The following UGT2A3 variants were observed in gnomAD, a reference collection of about 807,000 sequenced individuals.
The protein encoded by UGT2A3 is UDP-glucuronosyltransferase 2A3.
UGT2A3 carries 55 observed loss-of-function variants against 44.1 expected under a neutral mutation model. That is an observed-to-expected ratio of 1.25 (90% CI 1.00 to 1.56). The LOEUF (loss-of-function observed/expected upper bound fraction) is 1.56, where lower values mean the gene tolerates loss of function less well. Ranked by LOEUF, UGT2A3 falls within the 40% of genes most tolerant of loss-of-function variation. UGT2A3 has a pLI of 0.00. For synonymous variants in UGT2A3, 243 were observed against 215.1 expected, an observed-to-expected ratio of 1.13 and a Z score of -1.13; for missense variants, 733 against 621.6, an observed-to-expected ratio of 1.18 and a Z score of -1.91.
Position 68,945,432 on chromosome 4 carries a change from C to G in UGT2A3, c.738G>C (p.Glu246Asp). 1 of 1,610,464 alleles carries G rather than the reference C, an allele frequency of 6.2e-7. No homozygotes were observed. The change falls in exon 2 of 6, where the codon GAG (glutamate) becomes GAC (aspartate). Residue 246 changes from glutamate to aspartate, a missense_variant. By Grantham distance (45) the Glu-to-Asp change is conservative. Transcript: ENST00000251566. ...KALGRPTTLC[E>D]TVGKAEIWLI... ...GCCATATCTCAGCTTTTCCCACAGT[C>G]TCACATAATGTAGTGGGCCTTCCTC...
In UGT2A3 at chr4:68,944,960, A is replaced by G. The variant is rs138213613; in HGVS notation, c.864+346T>C. The stretch of plus-strand genomic sequence containing the variant: ...TGCTTATTTCTGTACTATCATGACA[A>G]ATATCCTTGTTCATAAGCCCAATTT... On this transcript the variant is annotated intron_variant, in intron 2 of 5. Transcript: ENST00000251566. Among the ~76,000 whole-genome samples, 827 of 151,910 alleles carry G rather than the reference A, an allele frequency of 5.4e-3. 10 individuals carry two copies. Among genetic ancestry groups the G allele is most frequent in the African/African-American group, 0.019 (789 of 41,506 alleles).
intron 2 of UGT2A3, chr4:68,943,362 T>G (rs1226844275): frequency 1.6e-6 from 2 of 1,259,548 alleles, no homozygotes; most frequent in African/African-American, 3.1e-5. Context: ...AGAGCTTGGT[T>G]TTCTGGTATA....
intron 1 of UGT2A3, 112 bp downstream of exon 1, chr4:68,950,934 A>AT (rs2109799641): frequency 1.4e-6 from 1 of 735,688 alleles, no homozygotes; most frequent in Admixed American, 3.7e-5. Flanking sequence ...CAGCTACAAC[A>AT]TTTTCTAAAA....
In UGT2A3 at chr4:68,930,665, A is replaced by G. The variant is rs752672556; in HGVS notation, c.1185T>C (p.Gly395=). Residue 395 remains glycine, a synonymous_variant, in exon 5 of 6, where the codon GGT becomes GGC. Transcript: ENST00000251566. ...GVPMVGVPIF[G]DQLDNIAHMK... is the part of the protein sequence containing the mutation. The stretch of plus-strand genomic sequence containing the variant: ...TGTGAGCTATGTTATCAAGCTGATC[A>G]CCAAATATGGGAACTCCCACCATAG... 1 of 1,613,600 alleles carries G rather than the reference A, an allele frequency of 6.2e-7. No homozygotes were observed. The highest frequency in any genetic ancestry group is 1.7e-5 in the Admixed American group (1 of 59,974).
At chr4:68,948,830 G>A (rs1414569990) in intron 1 of UGT2A3, among the ~76,000 whole-genome samples, 1 of 151,776 alleles carries the variant, frequency 6.6e-6, no homozygotes, top group Non-Finnish European at 1.5e-5. Context: ...GAACAACTGA[G>A]GCTGTCTAAT....
Position 68,929,524 on chromosome 4 carries a change from A to G in UGT2A3, c.*289T>C, listed in dbSNP as rs1717638996. 4.1e-6 allele frequency: 1 copy of G among 242,276 alleles called. No individual in the cohort carries two copies. Among genetic ancestry groups the G allele is most frequent in the Non-Finnish European group, 8.0e-6 (1 of 124,856 alleles). 15.0% of individuals were successfully genotyped at this position (242,276 alleles called of 1,614,324 possible). The stretch of plus-strand genomic sequence containing the variant: ...CATATTGCATGTCACCCTATCACTT[A>G]AGGTTATAGAAGTAATGACATCATC... On this transcript the variant is annotated 3_prime_UTR_variant, in exon 6 of 6. Transcript: ENST00000251566.
intron 1 of UGT2A3, among the ~76,000 whole-genome samples, 153 bp downstream of exon 1, chr4:68,950,893 C>T (rs1167301870): frequency 6.6e-6 from 1 of 151,776 alleles, no homozygotes; most frequent in Non-Finnish European, 1.5e-5. Context: ...TTATCTTACG[C>T]TTAGAACAAA....
intron 2 of UGT2A3, among the ~76,000 whole-genome samples, chr4:68,936,748 T>C (rs1222147886): frequency 1.3e-5 from 2 of 151,800 alleles, no homozygotes; most frequent in African/African-American, 4.8e-5. Context: ...AATGGCCCAA[T>C]TAAGAGACAC....
rs1486386006 is a variant in UGT2A3, at chr4:68,948,678, T to A, written c.715+2368A>T. Among the ~76,000 whole-genome samples the A allele has an allele frequency of 2.0e-5, 3 of 151,812 alleles. No individual in the cohort carries two copies. The East Asian group carries it at 5.9e-4, about 30-fold the overall frequency. On this transcript the variant is annotated intron_variant, in intron 1 of 5. Coordinates refer to ENST00000251566, the MANE Select transcript of UGT2A3 (RefSeq NM_024743.4). ...CATATCAGCACTGATAATGGTTATT[T>A]GTTCTTATCATTTGTATGTACACTG...
chr4:68,941,584 T>C (rs527351248), intron 2 of UGT2A3, among the ~76,000 whole-genome samples: 1 of 151,900 alleles, frequency 6.6e-6, no homozygotes, highest in East Asian at 1.9e-4. Context: ...TAGGCAAGGA[T>C]TTTTTTGGAT....
At chr4:68,945,745 A>G (rs201785776) in intron 1 of UGT2A3, among the ~76,000 whole-genome samples, 242 of 150,970 alleles carry the variant, frequency 1.6e-3, no homozygotes, top group African/African-American at 5.6e-3. Flanking sequence ...AGAAGGAAGG[A>G]AGGAAGGAAG....
At chr4:68,947,401 G>A (rs1333774256) in intron 1 of UGT2A3, among the ~76,000 whole-genome samples, 1 of 151,668 alleles carries the variant, frequency 6.6e-6, no homozygotes, top group South Asian at 2.1e-4. Context: ...TAGCAATTTA[G>A]ACAAACCTTC....
At chr4:68,937,874 A>T (rs570154913) in intron 2 of UGT2A3, among the ~76,000 whole-genome samples, 5 of 152,092 alleles carry the variant, frequency 3.3e-5, no homozygotes, top group Admixed American at 2.0e-4. Flanking sequence ...AATGATAAAG[A>T]GGATATCACC....
intron 1 of UGT2A3, among the ~76,000 whole-genome samples, chr4:68,950,342 G>A (rs1053149658): frequency 6.6e-6 from 1 of 151,848 alleles, no homozygotes; most frequent in South Asian, 2.1e-4. Flanking sequence ...ATATTTTAGT[G>A]TCGAATATAA....
intron 1 of UGT2A3, among the ~76,000 whole-genome samples, chr4:68,946,521 T>C (rs1286904622): frequency 6.6e-6 from 1 of 151,630 alleles, no homozygotes; most frequent in Non-Finnish European, 1.5e-5. Flanking sequence ...AAATTTGTTG[T>C]TTTCTGTGCC....
At chr4:68,930,469 G>T in intron 5 of UGT2A3, 77 bp downstream of exon 5, 1 of 1,305,746 alleles carries the variant, frequency 7.7e-7, no homozygotes, top group South Asian at 1.5e-5. Context: ...TGTCTACCAG[G>T]ATGATATTTA....
chr4:68,930,460 G>T, intron 5 of UGT2A3, 86 bp downstream of exon 5: 1 of 1,255,210 alleles, frequency 8.0e-7, no homozygotes, highest in Non-Finnish European at 1.1e-6. Flanking sequence ...CCCTCAACAT[G>T]TCTACCAGGA....
At position 68,929,371 on chromosome 4, in the gene UGT2A3, CATT is replaced by C. The variant is rs1717632553; in HGVS notation, c.*439_*441del. 1 of 153,288 alleles carries C rather than the reference CATT, an allele frequency of 6.5e-6. No homozygotes were observed. The highest frequency in any genetic ancestry group is 2.4e-5 in the African/African-American group (1 of 41,466). The allele number at this position is 153,288 out of a possible 1,614,324, so 9.5% of individuals were successfully genotyped here. A position where few individuals can be genotyped will look rare whatever the true frequency, so the allele number is the denominator to read the frequency against. On this transcript the variant is annotated 3_prime_UTR_variant, in exon 6 of 6. Transcript: ENST00000251566. ...CTTATTTAAATTGAAAAAGAAACAT[CATT>C]ATGTTTCTCATAGCCAGCTAATCTC... is the stretch of plus-strand genomic sequence containing the variant.
In UGT2A3 at chr4:68,929,927, A is replaced by T; in HGVS notation, c.1470T>A (p.Asp490Glu). Residue 490 changes from aspartate to glutamate, a missense_variant, in exon 6 of 6, where the codon GAT (aspartate) becomes GAA (glutamate). Physicochemically the swap from Asp to Glu is conservative, Grantham distance 45 (BLOSUM62 2). Transcript: ENST00000251566. ...DLTWFQHYSI[D>E]VIGFLLACVA... The stretch of plus-strand genomic sequence containing the variant: ...CACAGGCCAGCAGGAACCCAATCAC[A>T]TCTATAGAGTAGTGCTGGAACCAGG... 1 of 1,613,602 alleles carries T rather than the reference A, an allele frequency of 6.2e-7. No homozygotes were observed.
Sources: gnomAD v4.1 joint callset for allele counts (sites outside exome capture counted in the v4.1 genomes callset) on GRCh38, gnomAD v4.1.1 for gene constraint, MANE v1.5 for transcripts, NCBI Gene and HGNC (gene_info 2026-07-23, HGNC 2026-07-21) for gene names.